The following PAM variants were observed in gnomAD, a reference collection of about 807,000 sequenced individuals.
The protein encoded by PAM is peptidyl-glycine alpha-amidating monooxygenase.
PAM carries 72 observed loss-of-function variants against 122.1 expected under a neutral mutation model. The ratio of observed to expected loss-of-function variants is 0.59; its 90% CI spans 0.49 to 0.72. PAM has a LOEUF of 0.72. Among genes scored for constraint, PAM ranks in the 30% least tolerant of loss-of-function variants. The pLI is 0.00. For missense variants in PAM, 1,106 were observed against 1,183.7 expected (o/e 0.93, Z 0.96); for synonymous variants, 389 against 404.4 (o/e 0.96, Z 0.46).
At chr5:102,793,876 T>A (rs138179869) in intron 1 of PAM, among the ~76,000 whole-genome samples, 30 of 152,312 alleles carry the variant, frequency 2.0e-4, no homozygotes, top group African/African-American at 7.0e-4. Context: ...CAGCAATATG[T>A]GAAATATGTA....
chr5:102,974,540 G>A, intron 15 of PAM, 104 bp downstream of exon 15: 1 of 708,204 alleles, frequency 1.4e-6, no homozygotes, highest in Admixed American at 2.9e-5. Flanking sequence ...ATTCATCAAT[G>A]AAAAGGACTT....
intron 3 of PAM, among the ~76,000 whole-genome samples, chr5:102,894,877 C>A (rs1795758661): frequency 1.3e-5 from 2 of 151,732 alleles, no homozygotes; most frequent in Non-Finnish European, 1.5e-5. Flanking sequence ...TCTCTAGAAT[C>A]TGCCCTCTTT....
At chr5:102,776,126 A>C (rs973058963) in intron 1 of PAM, among the ~76,000 whole-genome samples, 1 of 152,162 alleles carries the variant, frequency 6.6e-6, no homozygotes, top group African/African-American at 2.4e-5. Context: ...TTTGTTGGCC[A>C]CATAAATCTC....
At chr5:102,835,684 G>A (rs13156318) in intron 1 of PAM, among the ~76,000 whole-genome samples, 11,759 of 151,790 alleles carry the variant, frequency 0.077, 770 homozygotes, top group African/African-American at 0.17. Context: ...ATTTCACTAT[G>A]AAATTTAAAT....
chr5:102,811,423 C>T (rs940059276), intron 1 of PAM, among the ~76,000 whole-genome samples: 4 of 152,182 alleles, frequency 2.6e-5, no homozygotes, highest in African/African-American at 7.2e-5. Context: ...CAGACTGAAT[C>T]TTCACTTTGC....
intron 1 of PAM, among the ~76,000 whole-genome samples, chr5:102,865,062 T>A (rs1785151270): frequency 6.6e-6 from 1 of 152,242 alleles, no homozygotes; most frequent in East Asian, 1.9e-4. Flanking sequence ...TCCCTACTCT[T>A]TCTAATTATG....
At chr5:102,848,150 CCTT>C (rs1780411477) in intron 1 of PAM, among the ~76,000 whole-genome samples, 1 of 151,950 alleles carries the variant, frequency 6.6e-6, no homozygotes, top group African/African-American at 2.4e-5. Flanking sequence ...CTCTTCATGT[CCTT>C]CTCTTTCTTC....
chr5:103,013,551 CTT>C (rs1223739762), intron 21 of PAM, among the ~76,000 whole-genome samples: 1 of 152,000 alleles, frequency 6.6e-6, no homozygotes. Context: ...TCCTTTATTT[CTT>C]TTTCTTGTCT....
chr5:102,853,740 A>G (rs1335154789), intron 1 of PAM, among the ~76,000 whole-genome samples: 1 of 152,224 alleles, frequency 6.6e-6, no homozygotes, highest in Non-Finnish European at 1.5e-5. Flanking sequence ...TCTGACTTCA[A>G]GTCTGCGCCC....
At chr5:102,992,249 T>C (rs1003871337) in intron 16 of PAM, among the ~76,000 whole-genome samples, 5 of 152,182 alleles carry the variant, frequency 3.3e-5, no homozygotes, top group Non-Finnish European at 7.4e-5. Flanking sequence ...AGGGGTGCAG[T>C]TGAACATGCA....
At chr5:102,908,896 A>T (rs193079840) in intron 4 of PAM, among the ~76,000 whole-genome samples, 1 of 151,766 alleles carries the variant, frequency 6.6e-6, no homozygotes, top group Admixed American at 6.6e-5. Context: ...ATAGACTATG[A>T]TGCTGTGAGC....
At chr5:102,825,960 A>G (rs1773489183) in intron 1 of PAM, among the ~76,000 whole-genome samples, 1 of 152,214 alleles carries the variant, frequency 6.6e-6, no homozygotes, top group Admixed American at 6.5e-5. Context: ...TTTATTTCTA[A>G]CTCTACAATT....
chr5:102,880,123 A>G (rs1184069608), intron 3 of PAM, among the ~76,000 whole-genome samples: 1 of 152,142 alleles, frequency 6.6e-6, no homozygotes, highest in Non-Finnish European at 1.5e-5. Flanking sequence ...TCTACAAAAA[A>G]TAAAAAAATT....
intron 1 of PAM, among the ~76,000 whole-genome samples, chr5:102,831,947 A>G (rs971836148): frequency 3.3e-5 from 5 of 150,516 alleles, no homozygotes; most frequent in Non-Finnish European, 3.0e-5. Flanking sequence ...CATCTTTCCT[A>G]TGCCACACTC....
At chr5:102,778,142 G>T (rs1358044178) in intron 1 of PAM, among the ~76,000 whole-genome samples, 1 of 152,088 alleles carries the variant, frequency 6.6e-6, no homozygotes, top group African/African-American at 2.4e-5. Context: ...AAAGGAGGCG[G>T]GTGAGTTGCC....
At chr5:102,866,356 G>T in intron 2 of PAM, 72 bp downstream of exon 2, 3 of 981,726 alleles carry the variant, frequency 3.1e-6, no homozygotes, top group Non-Finnish European at 4.9e-6. Flanking sequence ...GAACCTGAGT[G>T]TTGGCAAAAT....
At chr5:102,918,091 A>T (rs1746075223) in intron 5 of PAM, among the ~76,000 whole-genome samples, 1 of 152,146 alleles carries the variant, frequency 6.6e-6, no homozygotes, top group African/African-American at 2.4e-5. Flanking sequence ...CTAGTGCTCA[A>T]TTCCAAATTA....
In PAM at chr5:103,029,123, C is replaced by G. The variant is rs1785849591; in HGVS notation, c.*58C>G. 1 of 1,392,502 alleles carries G rather than the reference C, an allele frequency of 7.2e-7. No individual in the cohort carries two copies. The highest frequency in any genetic ancestry group is 9.9e-7 in the Non-Finnish European group (1 of 1,008,092). 86.3% of individuals were successfully genotyped at this position (1,392,502 alleles called of 1,614,324 possible). Reference sequence around the variant, plus strand: ...TACCCAGAATGTCAGATTCCTTTCCCTTTAGCACGTTTAAAGTTCTGTGTA... The same window carrying G: ...TACCCAGAATGTCAGATTCCTTTCCGTTTAGCACGTTTAAAGTTCTGTGTA... On this transcript the variant is annotated 3_prime_UTR_variant, in exon 26 of 26. Transcript: ENST00000438793.
intron 1 of PAM, among the ~76,000 whole-genome samples, chr5:102,832,256 C>T (rs1275030773): frequency 6.6e-6 from 1 of 152,074 alleles, no homozygotes; most frequent in Non-Finnish European, 1.5e-5. Flanking sequence ...CCTTTTAAGG[C>T]AGATTTGACA....
Sources: gnomAD v4.1 joint callset for allele counts (sites outside exome capture counted in the v4.1 genomes callset) on GRCh38, gnomAD v4.1.1 for gene constraint, MANE v1.5 for transcripts, NCBI Gene and HGNC (gene_info 2026-07-23, HGNC 2026-07-21) for gene names.